Variants in GPSM2 observed in about 807,000 individuals in gnomAD.
GPSM2 encodes G protein-signaling modulator 2.
Under a neutral mutation model 78.4 loss-of-function variants are expected in GPSM2, and 58 were observed. That is an observed-to-expected ratio of 0.74 (90% CI 0.60 to 0.92). GPSM2 has a LOEUF of 0.92. Ranked by LOEUF, GPSM2 falls within the 40% of genes least tolerant of loss-of-function variation. GPSM2 has a pLI of 0.00. For missense variants in GPSM2, 700 were observed against 815.5 expected (o/e 0.86, Z 1.73); for synonymous variants, 224 against 280.2 (o/e 0.80, Z 2.00).
intron 7 of GPSM2, 140 bp from the exon 8 acceptor site, chr1:108,901,642 TGGAGAAAG>T (rs1417385962): frequency 1.6e-5 from 11 of 667,144 alleles, no homozygotes; most frequent in Non-Finnish European, 2.7e-5. Flanking sequence ...CTAAAAGTAA[TGGAGAAAG>T]TACGGGATAT....
intron 13 of GPSM2, among the ~76,000 whole-genome samples, chr1:108,923,169 A>T (rs2101545512): frequency 6.6e-6 from 1 of 152,144 alleles, no homozygotes; most frequent in Admixed American, 6.5e-5. Flanking sequence ...AGTAACTGGG[A>T]CTACAGGCAC....
chr1:108,897,425 A>T, intron 3 of GPSM2, 67 bp from the exon 4 acceptor site: 1 of 1,473,514 alleles, frequency 6.8e-7, no homozygotes, highest in Non-Finnish European at 9.2e-7. Flanking sequence ...TGGCTACTTT[A>T]TATTTTAACA....
chr1:108,884,070 G>A (rs1297994163), intron 1 of GPSM2, among the ~76,000 whole-genome samples: 3 of 152,060 alleles, frequency 2.0e-5, no homozygotes, highest in Non-Finnish European at 4.4e-5. Context: ...AGCCTCCTGA[G>A]TAGCTGGGAT....
chr1:108,923,012 A>G (rs1650844639), intron 13 of GPSM2, among the ~76,000 whole-genome samples: 1 of 152,180 alleles, frequency 6.6e-6, no homozygotes, highest in Non-Finnish European at 1.5e-5. Flanking sequence ...TGTCTAAAAA[A>G]TATATAAAAA....
intron 1 of GPSM2, among the ~76,000 whole-genome samples, chr1:108,880,748 T>G (rs946811403): frequency 3.9e-5 from 6 of 152,244 alleles, no homozygotes; most frequent in African/African-American, 1.4e-4. Flanking sequence ...GTTCAGATGA[T>G]CTAACCTGGT....
chr1:108,881,138 TTCTA>T (rs1300973430), intron 1 of GPSM2, among the ~76,000 whole-genome samples: 3 of 152,228 alleles, frequency 2.0e-5, no homozygotes, highest in Non-Finnish European at 2.9e-5. Flanking sequence ...TAGTTGATCT[TTCTA>T]TATGTCTCTG....
At chr1:108,903,961 TTAA>T (rs1445429395) in intron 9 of GPSM2, among the ~76,000 whole-genome samples, 161 bp from the exon 10 acceptor site, 2 of 152,176 alleles carry the variant, frequency 1.3e-5, no homozygotes, top group African/African-American at 4.8e-5. Flanking sequence ...AAGACAACTA[TTAA>T]TGGAAAAAAA....
Position 108,897,861 on chromosome 1 carries a change from T to G in GPSM2, c.415-98T>G, listed in dbSNP as rs909793740. The G allele has an allele frequency of 2.4e-6, 3 of 1,271,428 alleles. No individual in the cohort carries two copies. The Admixed American group carries it at 5.9e-5, about 25-fold the overall frequency. The allele number at this position is 1,271,428 out of a possible 1,614,324, so 78.8% of individuals were successfully genotyped here. ...CTGTATGGAGAGCCAATATAAAAAT[T>G]TTTTTCCCTTGTCCGTAATACTAAG... is the stretch of plus-strand genomic sequence containing the variant. On this transcript the variant is annotated intron_variant, in intron 4 of 14. Transcript: ENST00000264126.
At chr1:108,896,286 T>A (rs1194638090) in intron 2 of GPSM2, among the ~76,000 whole-genome samples, 3 of 152,168 alleles carry the variant, frequency 2.0e-5, no homozygotes, top group African/African-American at 7.2e-5. Context: ...GTCTTACAGA[T>A]CAAGAATATT....
intron 7 of GPSM2, 66 bp from the exon 8 acceptor site, chr1:108,901,719 AGTTTT>A (rs1336824698): frequency 8.9e-6 from 10 of 1,128,366 alleles, no homozygotes; most frequent in Admixed American, 6.7e-5. Flanking sequence ...GAAAAATGAG[AGTTTT>A]GTTTTGTGAT....
At chr1:108,921,323 G>C (rs1245178563) in intron 12 of GPSM2, among the ~76,000 whole-genome samples, 2 of 151,994 alleles carry the variant, frequency 1.3e-5, no homozygotes, top group African/African-American at 4.8e-5. Context: ...AGGAGGCTGA[G>C]GCAGGAGAAT....
rs781578545 is a variant in GPSM2, at chr1:108,904,162, A to G, written c.1100A>G (p.Asn367Ser). 1 of 1,600,414 alleles carries G rather than the reference A, an allele frequency of 6.2e-7. No individual in the cohort carries two copies. The highest frequency in any genetic ancestry group is 8.6e-7 in the Non-Finnish European group (1 of 1,168,170). The change falls in exon 10 of 15, where the codon AAT becomes AGT. Residue 367 changes from asparagine to serine, a missense_variant. Coordinates refer to ENST00000264126, the MANE Select transcript of GPSM2 (RefSeq NM_013296.5). ...DKSGELTARL[N>S]LSDLQMVLGL... ...AGTGGTGAACTAACAGCACGACTTA[A>G]TCTCTCAGACCTTCAAATGGTTCTT...
chr1:108,897,599 T>C lies in GPSM2; in HGVS notation c.386T>C (p.Leu129Pro). ...DEAIVCCQRH[L>P]DISRELNDKV... ...GCCATAGTTTGTTGTCAGCGACACC[T>C]AGATATTTCCAGAGAGCTTAATGAC... The change falls in exon 4 of 15, where the codon CTA (leucine) becomes CCA (proline). Residue 129 changes from leucine to proline, a missense_variant. Coordinates refer to ENST00000264126, the MANE Select transcript of GPSM2 (RefSeq NM_013296.5). 1 of 1,613,814 alleles carries C rather than the reference T, an allele frequency of 6.2e-7. No individual in the cohort carries two copies. The highest frequency in any genetic ancestry group is 1.1e-5 in the South Asian group (1 of 91,080).
chr1:108,887,098 G>C (rs1050797114), intron 2 of GPSM2, among the ~76,000 whole-genome samples: 1 of 152,128 alleles, frequency 6.6e-6, no homozygotes, highest in Non-Finnish European at 1.5e-5. Context: ...ATATTGACCA[G>C]GCTGGTCTTG....
At position 108,929,964 on chromosome 1, in the gene GPSM2, C is replaced by G; in HGVS notation, c.*24C>G. 6.2e-7 allele frequency: 1 copy of G among 1,603,238 alleles called. No individual in the cohort carries two copies. The highest frequency in any genetic ancestry group is 8.5e-7 in the Non-Finnish European group (1 of 1,171,202). On this transcript the variant is annotated 3_prime_UTR_variant, in exon 15 of 15. Coordinates refer to ENST00000264126, the MANE Select transcript of GPSM2 (RefSeq NM_013296.5). ...AGTTACTATGGATTTATTTTTTTTC[C>G]TTTCAAACACGGTAAGGAAACAATC... is the stretch of plus-strand genomic sequence containing the variant.
chr1:108,919,312 ATTAT>A (rs1249172115), intron 12 of GPSM2, among the ~76,000 whole-genome samples: 11 of 152,184 alleles, frequency 7.2e-5, no homozygotes, highest in South Asian at 2.1e-4. Context: ...CTGGCCAATA[ATTAT>A]TTATTTGAGT....
At chr1:108,881,895 A>G (rs2101304544) in intron 1 of GPSM2, among the ~76,000 whole-genome samples, 1 of 152,342 alleles carries the variant, frequency 6.6e-6, no homozygotes, top group African/African-American at 2.4e-5. Flanking sequence ...TATGAAATTA[A>G]CATTTTATAA....
intron 2 of GPSM2, 68 bp downstream of exon 2, chr1:108,885,646 C>T (rs1378910564): frequency 3.3e-6 from 3 of 918,698 alleles, no homozygotes; most frequent in African/African-American, 1.6e-5. Context: ...ACTCTGATGA[C>T]CATTTCAAGT....
rs1371930004 is a variant in GPSM2 at position 108,898,685 on chromosome 1, C to CT, written c.601_602insT (p.Gln201LeufsTer26). Reference sequence around the variant, plus strand: ...GACTGCTTTGGGTGACCGAGCGGCACAAGGACGTGCCTTTGGAAATCTTGG... The same window carrying CT: ...GACTGCTTTGGGTGACCGAGCGGCACTAAGGACGTGCCTTTGGAAATCTTGG... On this transcript the variant is annotated frameshift_variant, in exon 6 of 15. Coordinates refer to ENST00000264126, the MANE Select transcript of GPSM2 (RefSeq NM_013296.5). LOFTEE classifies it high-confidence loss of function. The CT allele has an allele frequency of 6.2e-7, 1 of 1,613,652 alleles. No individual in the cohort carries two copies. Among genetic ancestry groups the CT allele is most frequent in the Non-Finnish European group, 8.5e-7 (1 of 1,179,712 alleles).
Sources: allele counts gnomAD v4.1 joint callset (sites outside exome capture counted in the v4.1 genomes callset), GRCh38; gene constraint gnomAD v4.1.1; transcripts MANE v1.5; gene names NCBI Gene and HGNC (gene_info 2026-07-23, HGNC 2026-07-21).